The following LRPPRC variants were observed in gnomAD, a reference collection of about 807,000 sequenced individuals.
LRPPRC encodes leucine rich pentatricopeptide repeat containing.
In LRPPRC, 120 loss-of-function variants were observed where a neutral mutation model predicts 180.3. The observed-to-expected ratio is 0.67, with a 90% CI of 0.57 to 0.77. The LOEUF (loss-of-function observed/expected upper bound fraction) is 0.77, where lower values mean the gene tolerates loss of function less well. LRPPRC is among the 30% of genes least tolerant of loss of function. The probability of loss-of-function intolerance (pLI) is 0.00; values close to 1 mark genes in which losing one functional copy is unlikely to be tolerated. For missense variants in LRPPRC, 2,012 were observed against 1,657.2 expected (o/e 1.21, Z -3.72); for synonymous variants, 723 against 600.0 (o/e 1.21, Z -3.00).
At chr2:43,954,529 C>T (rs1295652420) in intron 14 of LRPPRC, among the ~76,000 whole-genome samples, 1 of 152,160 alleles carries the variant, frequency 6.6e-6, no homozygotes, top group African/African-American at 2.4e-5. Flanking sequence ...TAAGTATGAG[C>T]TAATACAACT....
At chr2:43,996,049 T>G (rs1441169280), upstream of LRPPRC, 3 of 1,224,060 alleles carry the variant, frequency 2.5e-6, no homozygotes, top group South Asian at 1.4e-5. Flanking sequence ...CTGCCGGGCG[T>G]GCCAAATGTG....
In LRPPRC at chr2:43,982,405, G is replaced by A. The variant is rs546399905; in HGVS notation, c.179C>T (p.Ala60Val). The A allele has an allele frequency of 4.5e-5, 72 of 1,613,756 alleles. No homozygotes were observed. The Admixed American group carries it at 7.0e-4, about 16-fold the overall frequency. ...AATATCTTTTTCTTTGGCAGCAATG[G>A]CATACAGCCTGGCTGGGCTCAGTAG... ...GGLLSPARLY[A>V]IAAKEKDIQE... The change falls in exon 2 of 38, where the codon GCC becomes GTC. Residue 60 changes from alanine to valine, a missense_variant. By Grantham distance (64) the Ala-to-Val change is moderately conservative. Coordinates refer to ENST00000260665, the MANE Select transcript of LRPPRC (RefSeq NM_133259.4).
chr2:43,899,417 T>C, intron 33 of LRPPRC, 49 bp downstream of exon 33: 1 of 1,613,158 alleles, frequency 6.2e-7, no homozygotes. Flanking sequence ...CTAGTCTCAC[T>C]AGAGAGAAAA....
chr2:43,963,702 T>G lies in LRPPRC; in HGVS notation c.1374A>C (p.Ile458=). The G allele has an allele frequency of 6.8e-7, 1 of 1,462,854 alleles. No individual in the cohort carries two copies. The highest frequency in any genetic ancestry group is 9.6e-7 in the Non-Finnish European group (1 of 1,042,670). The allele number at this position is 1,462,854 out of a possible 1,614,324, so 90.6% of individuals were successfully genotyped here. The change falls in exon 12 of 38, where the codon ATA becomes ATC. Residue 458 remains isoleucine, a synonymous_variant. Transcript: ENST00000260665. ...GRRKEKNVQG[I]IEILKGMQEL... The stretch of plus-strand genomic sequence containing the variant: ...CTTGCATTCCTTTGAGGATTTCAAT[T>G]ATACCTACCAAATAAAATGTAGAAG...
intron 37 of LRPPRC, 125 bp downstream of exon 37, chr2:43,889,609 T>G (rs776522890): frequency 1.8e-5 from 15 of 845,932 alleles, no homozygotes; most frequent in Non-Finnish European, 3.0e-5. Flanking sequence ...AGCCATCCCC[T>G]GAGGGCTCTT....
At chr2:43,945,535 T>G in intron 21 of LRPPRC, 118 bp from the exon 22 acceptor site, 1 of 708,338 alleles carries the variant, frequency 1.4e-6, no homozygotes, top group Non-Finnish European at 2.6e-6. Context: ...AATGTTGGCC[T>G]CTACGCTTCA....
intron 12 of LRPPRC, among the ~76,000 whole-genome samples, chr2:43,963,333 A>G (rs758640533): frequency 1.3e-5 from 2 of 152,154 alleles, no homozygotes; most frequent in Non-Finnish European, 2.9e-5. Flanking sequence ...AATCCCAGCT[A>G]CTCGGGAGGC....
intron 16 of LRPPRC, among the ~76,000 whole-genome samples, chr2:43,949,148 G>A (rs1003625504): frequency 2.0e-5 from 3 of 152,102 alleles, no homozygotes; most frequent in Admixed American, 2.0e-4. Context: ...CCATCTTACA[G>A]AAAACTATAT....
intron 12 of LRPPRC, among the ~76,000 whole-genome samples, chr2:43,962,491 G>A (rs10865196): frequency 0.6 from 91,376 of 152,038 alleles, 28,685 homozygotes; most frequent in Middle Eastern, 0.7. Flanking sequence ...TTCCTTATTA[G>A]GTATTAGGTG....
intron 14 of LRPPRC, among the ~76,000 whole-genome samples, chr2:43,950,936 G>C (rs1036874263): frequency 6.6e-6 from 1 of 152,146 alleles, no homozygotes; most frequent in South Asian, 2.1e-4. Flanking sequence ...CGGGAGTGTT[G>C]GTGTATGCCT....
At chr2:43,971,650 C>T (rs1034515415) in intron 11 of LRPPRC, among the ~76,000 whole-genome samples, 2 of 151,856 alleles carry the variant, frequency 1.3e-5, no homozygotes, top group African/African-American at 4.8e-5. Flanking sequence ...TGAAACACAG[C>T]ACATCCTCCA....
At chr2:43,902,112 A>AGAC (rs985223620) in intron 31 of LRPPRC, 26 of 155,566 alleles carry the variant, frequency 1.7e-4, no homozygotes, top group African/African-American at 5.8e-4. Flanking sequence ...CCACAAATAC[A>AGAC]GACAGTCCCT....
At chr2:43,977,353 A>C in intron 3 of LRPPRC, 77 bp from the exon 4 acceptor site, 2 of 1,145,340 alleles carry the variant, frequency 1.7e-6, no homozygotes, top group South Asian at 1.3e-5. Flanking sequence ...AAATTTAACA[A>C]ACAAAAAGAG....
chr2:43,921,324 A>G (rs1372230120), intron 27 of LRPPRC, among the ~76,000 whole-genome samples: 3 of 152,188 alleles, frequency 2.0e-5, no homozygotes, highest in African/African-American at 7.2e-5. Context: ...AATACATGTT[A>G]AGAACCCATA....
chr2:43,980,253 A>G (rs551221288), intron 2 of LRPPRC, among the ~76,000 whole-genome samples: 12 of 152,280 alleles, frequency 7.9e-5, no homozygotes, highest in African/African-American at 2.4e-4. Flanking sequence ...TTCAAAGGCT[A>G]AACTTCCCAG....
intron 29 of LRPPRC, among the ~76,000 whole-genome samples, chr2:43,915,232 TCACACACACACACACACACACACA>T (rs375631611): frequency 2.5e-4 from 13 of 51,864 alleles, no homozygotes; most frequent in African/African-American, 1.0e-3. Context: ...TCTCTCTCTC[TCACACACACACACACACACACACA>T]CACACACACA....
At position 43,886,633 on chromosome 2, in the gene LRPPRC, A is replaced by G. The variant is rs1670279855; in HGVS notation, c.*1967T>C. 1 of 152,190 alleles carries G rather than the reference A, an allele frequency of 6.6e-6. No individual in the cohort carries two copies. The highest frequency in any genetic ancestry group is 2.4e-5 in the African/African-American group (1 of 41,446). The allele number at this position is 152,190 out of a possible 1,614,324, so 9.4% of individuals were successfully genotyped here. ...CCACACTCACATTTTACCAGAGTCC[A>G]TATACAGGGCCAGTGTGGAGTCACT... On this transcript the variant is annotated 3_prime_UTR_variant, in exon 38 of 38. Transcript: ENST00000260665.
chr2:43,971,882 T>A (rs1572563930), intron 11 of LRPPRC, among the ~76,000 whole-genome samples: 1 of 152,334 alleles, frequency 6.6e-6, no homozygotes, highest in African/African-American at 2.4e-5. Context: ...ATATTGTTTT[T>A]AAAAATTGTA....
chr2:43,922,012 G>A (rs1359191116), intron 27 of LRPPRC, among the ~76,000 whole-genome samples: 3 of 152,254 alleles, frequency 2.0e-5, no homozygotes, highest in African/African-American at 7.2e-5. Flanking sequence ...ATAAGAAAAT[G>A]TTTGTCATAT....
Sources: allele counts gnomAD v4.1 joint callset (sites outside exome capture counted in the v4.1 genomes callset), GRCh38; gene constraint gnomAD v4.1.1; transcripts MANE v1.5; gene names NCBI Gene and HGNC (gene_info 2026-07-23, HGNC 2026-07-21).